RAB11FIP4: variants seen among roughly 807,000 people sequenced by gnomAD.
RAB11FIP4 encodes the protein rab11 family-interacting protein 4.
RAB11FIP4 carries 23 observed loss-of-function variants against 74.3 expected under a neutral mutation model. That is an observed-to-expected ratio of 0.31 (90% CI 0.22 to 0.44). The LOEUF (loss-of-function observed/expected upper bound fraction) is 0.44, where lower values mean the gene tolerates loss of function less well. Ranked by LOEUF, RAB11FIP4 falls within the 20% of genes least tolerant of loss-of-function variation. The pLI, the probability that RAB11FIP4 is intolerant of heterozygous loss-of-function variation, is 1.00. For synonymous variants in RAB11FIP4, 360 were observed against 359.9 expected (o/e 1.00, Z 0.00); for missense variants, 630 against 863.9 (o/e 0.73, Z 3.39).
chr17:31,474,786 G>A (rs1180014813), intron 3 of RAB11FIP4, among the ~76,000 whole-genome samples: 3 of 151,536 alleles, frequency 2.0e-5, no homozygotes, highest in African/African-American at 7.3e-5. Flanking sequence ...AGGTTGCAGT[G>A]AGCCAAGATT....
chr17:31,393,145 G>A (rs1205666722), intron 1 of RAB11FIP4, among the ~76,000 whole-genome samples: 2 of 152,246 alleles, frequency 1.3e-5, no homozygotes, highest in Non-Finnish European at 2.9e-5. Context: ...AGAGCTGTGG[G>A]CAGAAGAGAG....
chr17:31,476,727 T>C (rs1215527341), intron 3 of RAB11FIP4, among the ~76,000 whole-genome samples: 1 of 152,226 alleles, frequency 6.6e-6, no homozygotes, highest in African/African-American at 2.4e-5. Context: ...GCCTCTCCAG[T>C]TTCTACGTGA....
intron 1 of RAB11FIP4, among the ~76,000 whole-genome samples, chr17:31,404,308 G>A (rs112359423): frequency 1.7e-3 from 261 of 152,286 alleles, no homozygotes; most frequent in African/African-American, 5.6e-3. Flanking sequence ...CCTGCTCTCC[G>A]CCCCGTCCCC....
At chr17:31,495,737 T>C (rs1023259673) in intron 3 of RAB11FIP4, among the ~76,000 whole-genome samples, 30 of 152,354 alleles carry the variant, frequency 2.0e-4, no homozygotes, top group African/African-American at 6.5e-4. Flanking sequence ...AAGGCAGGTC[T>C]GGCCAACACA....
At chr17:31,398,205 A>G (rs1242676142) in intron 1 of RAB11FIP4, among the ~76,000 whole-genome samples, 2 of 151,902 alleles carry the variant, frequency 1.3e-5, no homozygotes, top group Non-Finnish European at 2.9e-5. Flanking sequence ...CGCCCAGCTA[A>G]TTTTTTGTAT....
At chr17:31,505,019 G>A (rs1007503277) in intron 3 of RAB11FIP4, among the ~76,000 whole-genome samples, 1 of 152,124 alleles carries the variant, frequency 6.6e-6, no homozygotes, top group Non-Finnish European at 1.5e-5. Context: ...AGATCCTAAG[G>A]CTTGATTTGA....
In RAB11FIP4 at chr17:31,460,102, G is replaced by A. The variant is rs116308116; in HGVS notation, c.336+25980G>A. ...CTGCTAAAAAGCCTGGCTGGAATGG[G>A]ATGGGGTGGGCACTTCATGGTCAGG... On this transcript the variant is annotated intron_variant, in intron 3 of 14. Coordinates refer to ENST00000621161, the MANE Select transcript of RAB11FIP4 (RefSeq NM_032932.6). Among the ~76,000 whole-genome samples the A allele has an allele frequency of 6.9e-3, 1,051 of 152,352 alleles. 14 individuals are homozygous for A. Among genetic ancestry groups the A allele is most frequent in the African/African-American group, 0.024 (979 of 41,564 alleles).
intron 3 of RAB11FIP4, among the ~76,000 whole-genome samples, chr17:31,497,269 C>T (rs189054518): frequency 6.6e-6 from 1 of 152,214 alleles, no homozygotes; most frequent in African/African-American, 2.4e-5. Context: ...GAGGCTGAGG[C>T]AGGAGAATCG....
chr17:31,475,190 G>A (rs1223514071), intron 3 of RAB11FIP4, among the ~76,000 whole-genome samples: 2 of 152,148 alleles, frequency 1.3e-5, no homozygotes, highest in African/African-American at 4.8e-5. Flanking sequence ...CACCTGTGCA[G>A]GTTGGTGTGT....
At chr17:31,431,665 C>T (rs1361958927) in intron 1 of RAB11FIP4, 148 bp from the exon 2 acceptor site, 2 of 644,946 alleles carry the variant, frequency 3.1e-6, no homozygotes, top group Admixed American at 3.0e-5. Context: ...AAAGTGGCCC[C>T]ATGGCTGATA....
chr17:31,487,460 C>CTT (rs543487006), intron 3 of RAB11FIP4, among the ~76,000 whole-genome samples: 32 of 146,690 alleles, frequency 2.2e-4, no homozygotes, highest in South Asian at 8.6e-4. Context: ...GGGTCCTCTC[C>CTT]TTTTTTTTTT....
chr17:31,400,653 C>A (rs1334507597), intron 1 of RAB11FIP4, among the ~76,000 whole-genome samples: 2 of 152,164 alleles, frequency 1.3e-5, no homozygotes, highest in Non-Finnish European at 2.9e-5. Context: ...GGAGCAGTGG[C>A]TGGATCTTGA....
intron 14 of RAB11FIP4, 114 bp from the exon 15 acceptor site, chr17:31,531,502 T>G: frequency 1.4e-6 from 1 of 718,286 alleles, no homozygotes; most frequent in South Asian, 1.7e-5. Flanking sequence ...TTGCCCAGGA[T>G]CTCCTGATGC....
chr17:31,402,613 T>G (rs1280393586), intron 1 of RAB11FIP4, among the ~76,000 whole-genome samples: 1 of 150,024 alleles, frequency 6.7e-6, no homozygotes, highest in Non-Finnish European at 1.5e-5. Context: ...TTTATTTATT[T>G]ATTTATTTAT....
At chr17:31,505,495 AT>A (rs2072308313) in intron 3 of RAB11FIP4, among the ~76,000 whole-genome samples, 1 of 65,376 alleles carries the variant, frequency 1.5e-5, no homozygotes, top group Non-Finnish European at 3.0e-5. Flanking sequence ...ATAATATATA[AT>A]TATTATATTA....
At chr17:31,393,373 C>G (rs1164386517) in intron 1 of RAB11FIP4, among the ~76,000 whole-genome samples, 3 of 152,218 alleles carry the variant, frequency 2.0e-5, no homozygotes, top group Non-Finnish European at 4.4e-5. Context: ...GGGATAGTCG[C>G]GCTCCTTCCT....
chr17:31,493,739 G>A (rs2072058805), intron 3 of RAB11FIP4, among the ~76,000 whole-genome samples: 1 of 151,824 alleles, frequency 6.6e-6, no homozygotes, highest in South Asian at 2.1e-4. Context: ...TTGGACAGGC[G>A]ACCTCACCCT....
chr17:31,441,518 T>TTTTATTTA (rs35484019), intron 3 of RAB11FIP4, among the ~76,000 whole-genome samples: 204 of 150,970 alleles, frequency 1.4e-3, no homozygotes, highest in African/African-American at 3.8e-3. Flanking sequence ...ACTCTCCTTA[T>TTTTATTTA]TTTATTTATT....
chr17:31,399,120 C>T (rs1397980732), intron 1 of RAB11FIP4, among the ~76,000 whole-genome samples: 1 of 152,114 alleles, frequency 6.6e-6, no homozygotes, highest in East Asian at 1.9e-4. Context: ...CTTCCTGTTG[C>T]AGCACCCCTT....
Sources: allele counts gnomAD v4.1 joint callset (sites outside exome capture counted in the v4.1 genomes callset), GRCh38; gene constraint gnomAD v4.1.1; transcripts MANE v1.5; gene names NCBI Gene and HGNC (gene_info 2026-07-23, HGNC 2026-07-21).